Variants in PPP2R2B observed in about 807,000 individuals in gnomAD.
PPP2R2B encodes the protein protein phosphatase 2 regulatory subunit Bbeta.
A neutral mutation model predicts 46.0 loss-of-function variants in PPP2R2B; 5 were observed. The observed-to-expected ratio is 0.11, with a 90% confidence interval of 0.06 to 0.23. The LOEUF is 0.23. Among genes scored for constraint, PPP2R2B ranks in the 10% least tolerant of loss-of-function variants. The probability of loss-of-function intolerance (pLI) is 1.00; values close to 1 mark genes in which losing one functional copy is unlikely to be tolerated. For synonymous variants in PPP2R2B, 215 were observed against 206.7 expected, an observed-to-expected ratio of 1.04 and a Z score of -0.34; for missense variants, 367 against 575.0, an observed-to-expected ratio of 0.64 and a Z score of 3.70.
chr5:146,917,437 C>A (rs1763431728), intron 1 of PPP2R2B, among the ~76,000 whole-genome samples: 1 of 152,208 alleles, frequency 6.6e-6, no homozygotes, highest in Non-Finnish European at 1.5e-5. Context: ...CCTTGTACAG[C>A]ATTATATATG....
chr5:146,686,749 G>GA (rs1778525969), intron 5 of PPP2R2B, among the ~76,000 whole-genome samples: 1 of 152,226 alleles, frequency 6.6e-6, no homozygotes, highest in East Asian at 1.9e-4. Context: ...ATAATAATGA[G>GA]AAAAAGAATA....
At chr5:146,728,540 T>G (rs1006468653) in intron 2 of PPP2R2B, among the ~76,000 whole-genome samples, 9 of 152,170 alleles carry the variant, frequency 5.9e-5, no homozygotes, top group African/African-American at 1.9e-4. Context: ...CCTGTCTTCG[T>G]GTGGAGCAAA....
chr5:146,748,753 A>T (rs1267837870), intron 2 of PPP2R2B, among the ~76,000 whole-genome samples: 1 of 152,214 alleles, frequency 6.6e-6, no homozygotes, highest in Non-Finnish European at 1.5e-5. Flanking sequence ...GTATGGACGT[A>T]CCACAGTTTG....
intron 1 of PPP2R2B, among the ~76,000 whole-genome samples, chr5:147,034,520 C>CTCTTCTAAA (rs1755945182): frequency 6.6e-6 from 1 of 152,130 alleles, no homozygotes; most frequent in South Asian, 2.1e-4. Context: ...CATGCCACTG[C>CTCTTCTAAA]TCTTCTAAAT....
chr5:147,021,560 T>G (rs1337051268), intron 1 of PPP2R2B, among the ~76,000 whole-genome samples: 1 of 152,144 alleles, frequency 6.6e-6, no homozygotes, highest in East Asian at 1.9e-4. Context: ...TGAGAGAGCT[T>G]CCATGTGAGA....
At chr5:146,796,367 A>G (rs1428552536) in intron 2 of PPP2R2B, among the ~76,000 whole-genome samples, 1 of 152,190 alleles carries the variant, frequency 6.6e-6, no homozygotes, top group Admixed American at 6.5e-5. Context: ...TGTGCAATGC[A>G]CTTTTTACCA....
chr5:146,747,243 G>A (rs541703402), intron 2 of PPP2R2B, among the ~76,000 whole-genome samples: 1 of 152,284 alleles, frequency 6.6e-6, no homozygotes, highest in Admixed American at 6.5e-5. Flanking sequence ...TTAGCTGTGA[G>A]ACCATCCTGG....
intron 1 of PPP2R2B, among the ~76,000 whole-genome samples, chr5:146,951,059 C>A (rs1017732425): frequency 6.6e-6 from 1 of 151,938 alleles, no homozygotes; most frequent in Non-Finnish European, 1.5e-5. Flanking sequence ...AGGCAAATGG[C>A]CCTTCTATCT....
At chr5:146,761,456 T>C (rs1754159336) in intron 2 of PPP2R2B, among the ~76,000 whole-genome samples, 1 of 152,014 alleles carries the variant, frequency 6.6e-6, no homozygotes, top group Non-Finnish European at 1.5e-5. Context: ...TAGGTGGGAA[T>C]TGAACAATGA....
At chr5:147,020,364 G>A (rs2151884509) in intron 1 of PPP2R2B, among the ~76,000 whole-genome samples, 1 of 152,038 alleles carries the variant, frequency 6.6e-6, no homozygotes, top group Middle Eastern at 3.4e-3. Flanking sequence ...GACTTTCACT[G>A]GGGTAGGAAA....
intron 1 of PPP2R2B, among the ~76,000 whole-genome samples, chr5:146,964,683 G>A (rs745868949): frequency 6.6e-6 from 1 of 151,882 alleles, no homozygotes; most frequent in East Asian, 1.9e-4. Flanking sequence ...CCGCCACCAC[G>A]CCAGGCTAAG....
intron 2 of PPP2R2B, among the ~76,000 whole-genome samples, chr5:146,791,090 C>G (rs1398295791): frequency 6.6e-6 from 1 of 152,142 alleles, no homozygotes; most frequent in East Asian, 1.9e-4. Flanking sequence ...GCCCAGTCAC[C>G]TATCTTTTAG....
intron 4 of PPP2R2B, among the ~76,000 whole-genome samples, chr5:146,695,262 A>T (rs1779110057): frequency 6.6e-6 from 1 of 152,138 alleles, no homozygotes; most frequent in South Asian, 2.1e-4. Flanking sequence ...GGATGGGAAC[A>T]CTTTTATTAT....
intron 2 of PPP2R2B, among the ~76,000 whole-genome samples, chr5:146,873,507 T>G (rs1320035970): frequency 6.6e-6 from 1 of 152,220 alleles, no homozygotes; most frequent in Non-Finnish European, 1.5e-5. Context: ...CCCTGAATAC[T>G]TCTCCAGTCT....
rs1770474367 is a variant in PPP2R2B, at chr5:146,590,246, G to C, written c.1053-20C>G. The stretch of plus-strand genomic sequence containing the variant: ...ATGACACTGCAAGGCAGAGAGCAAA[G>C]GCAATGACATATCTTCACTGTCTTT... On this transcript the variant is annotated intron_variant, in intron 9 of 9. Coordinates refer to ENST00000394411, the MANE Select transcript of PPP2R2B (RefSeq NM_181675.4). 6.2e-7 allele frequency: 1 copy of C among 1,609,034 alleles called. No individual in the cohort carries two copies. The highest frequency in any genetic ancestry group is 1.3e-5 in the African/African-American group (1 of 74,526).
intron 1 of PPP2R2B, among the ~76,000 whole-genome samples, chr5:146,975,319 T>C (rs1327764904): frequency 1.3e-5 from 2 of 152,230 alleles, no homozygotes; most frequent in Non-Finnish European, 2.9e-5. Context: ...ATCCATGTTA[T>C]AGCATGAGTA....
chr5:146,797,679 G>A (rs1448053749), intron 2 of PPP2R2B, among the ~76,000 whole-genome samples: 1 of 152,216 alleles, frequency 6.6e-6, no homozygotes, highest in East Asian at 1.9e-4. Context: ...TATTGAACAT[G>A]CAGTAACTGT....
chr5:147,008,442 C>T (rs1181678825), intron 1 of PPP2R2B, among the ~76,000 whole-genome samples: 2 of 152,056 alleles, frequency 1.3e-5, no homozygotes, highest in Non-Finnish European at 2.9e-5. Context: ...AATCTTCACC[C>T]TGGTGTCTAT....
In PPP2R2B at chr5:146,974,177, C is replaced by CA. The variant is rs897202506; in HGVS notation, c.79+81487dup. Among the ~76,000 whole-genome samples, 6 of 152,020 alleles carry CA rather than the reference C, an allele frequency of 3.9e-5. No homozygotes were observed. The East Asian group carries it at 9.6e-4, about 24-fold the overall frequency. On this transcript the variant is annotated intron_variant, in intron 1 of 8. Coordinates refer to the PPP2R2B transcript ENST00000336640. The stretch of plus-strand genomic sequence containing the variant: ...AGCAATAATGCATATTTTAAAAGAA[C>CA]AAAAAAGTCAAAATAGAAAATAAAG...
Sources: gnomAD v4.1 joint callset for allele counts (sites outside exome capture counted in the v4.1 genomes callset) on GRCh38, gnomAD v4.1.1 for gene constraint, MANE v1.5 for transcripts, NCBI Gene and HGNC (gene_info 2026-07-23, HGNC 2026-07-21) for gene names.